Variants in SLC35D4 observed in about 807,000 individuals in gnomAD.
The protein encoded by SLC35D4 is solute carrier family 35 member D4.
the SLC35D4 span, among the ~76,000 whole-genome samples, chr18:23,292,818 C>T: frequency 2.0e-5 from 3 of 152,220 alleles, no homozygotes; most frequent in African/African-American, 7.2e-5. Context: ...CAGCACAATG[C>T]TTGGCATGAA....
the SLC35D4 span, among the ~76,000 whole-genome samples, chr18:23,279,251 G>C: frequency 5.9e-5 from 9 of 152,020 alleles, no homozygotes; most frequent in Admixed American, 2.6e-4. Context: ...TAGAGAAAAG[G>C]GCCTCTTCTA....
At chr18:23,259,465 T>A in the SLC35D4 span, 1 of 152,258 alleles carries the variant, frequency 6.6e-6, no homozygotes, top group Non-Finnish European at 1.5e-5. Context: ...TTAGCATTTA[T>A]GAGGTGAGCC....
At chr18:23,397,755 G>T in the SLC35D4 span, among the ~76,000 whole-genome samples, 4 of 152,174 alleles carry the variant, frequency 2.6e-5, no homozygotes, top group African/African-American at 9.7e-5. Context: ...AAGGTGGGGA[G>T]TTAGAAGAGC....
the SLC35D4 span, among the ~76,000 whole-genome samples, chr18:23,269,547 C>T: frequency 3.3e-5 from 5 of 152,034 alleles, no homozygotes; most frequent in Admixed American, 6.5e-5. Context: ...ATTAAGATAC[C>T]GAAAAATGTG....
At chr18:23,387,468 G>A in the SLC35D4 span, among the ~76,000 whole-genome samples, 7 of 152,194 alleles carry the variant, frequency 4.6e-5, no homozygotes, top group Non-Finnish European at 1.0e-4. Flanking sequence ...CACAAAGGGT[G>A]TCAATAACAT....
At chr18:23,339,610 A>C in the SLC35D4 span, among the ~76,000 whole-genome samples, 46,468 of 152,048 alleles carry the variant, frequency 0.31, 8,043 homozygotes, top group Non-Finnish European at 0.38. Flanking sequence ...AGGGTGTCTT[A>C]GTCCATCTGG....
the SLC35D4 span, among the ~76,000 whole-genome samples, chr18:23,322,235 GGGA>G: frequency 1.3e-5 from 2 of 152,222 alleles, no homozygotes; most frequent in African/African-American, 4.8e-5. Flanking sequence ...TTGTGGTTTA[GGGA>G]GGAGGATGGA....
the SLC35D4 span, among the ~76,000 whole-genome samples, chr18:23,262,230 A>G: frequency 6.6e-6 from 1 of 152,338 alleles, no homozygotes; most frequent in South Asian, 2.1e-4. Context: ...TTGGGTGCAC[A>G]AGGCCAAAAA....
the SLC35D4 span, among the ~76,000 whole-genome samples, chr18:23,249,263 C>G: frequency 6.6e-6 from 1 of 152,220 alleles, no homozygotes; most frequent in African/African-American, 2.4e-5. Context: ...GCTTTCCAGC[C>G]TCCGTAGCAC....
At chr18:23,238,722 C>T in the SLC35D4 span, among the ~76,000 whole-genome samples, 2 of 152,174 alleles carry the variant, frequency 1.3e-5, no homozygotes, top group Non-Finnish European at 2.9e-5. Flanking sequence ...ATTTATTAAG[C>T]AACATGGCCA....
the SLC35D4 span, among the ~76,000 whole-genome samples, chr18:23,389,828 C>A: frequency 6.6e-6 from 1 of 152,276 alleles, no homozygotes; most frequent in South Asian, 2.1e-4. Flanking sequence ...GTGTAAGCCA[C>A]CATACCCGGC....
At chr18:23,359,237 T>G in the SLC35D4 span, among the ~76,000 whole-genome samples, 1 of 151,768 alleles carries the variant, frequency 6.6e-6, no homozygotes, top group Non-Finnish European at 1.5e-5. Flanking sequence ...ATACAAAAAT[T>G]AGCTGGGCGT....
chr18:23,356,443 G>T, the SLC35D4 span: 1 of 740,918 alleles, frequency 1.3e-6, no homozygotes, highest in Non-Finnish European at 2.3e-6. This position sits in a 1 kb window ranked among gnomAD's most constrained non-coding sequence, Gnocchi z 4.1. Context: ...GTGACAGCCT[G>T]CTGGTGACAT....
chr18:23,407,509 A>C, the SLC35D4 span, among the ~76,000 whole-genome samples: 7 of 152,096 alleles, frequency 4.6e-5, no homozygotes, highest in Non-Finnish European at 7.4e-5. Flanking sequence ...AAAAAAAATC[A>C]GCTCTCCAAA....
At chr18:23,387,070 C>T in the SLC35D4 span, among the ~76,000 whole-genome samples, 6 of 152,098 alleles carry the variant, frequency 3.9e-5, no homozygotes, top group African/African-American at 9.7e-5. Flanking sequence ...CAACCACGCC[C>T]GGTTAATTTT....
At chr18:23,253,785 C>T in the SLC35D4 span, 11 of 1,614,058 alleles carry the variant, frequency 6.8e-6, no homozygotes, top group East Asian at 4.5e-5. Context: ...GAGGAGCCCA[C>T]GGTGGCCATG....
At chr18:23,273,362 G>A in the SLC35D4 span, among the ~76,000 whole-genome samples, 1 of 152,216 alleles carries the variant, frequency 6.6e-6, no homozygotes, top group East Asian at 1.9e-4. Context: ...ATGACACTGG[G>A]ACGGTGAATG....
chr18:23,349,049 G>A, the SLC35D4 span, among the ~76,000 whole-genome samples: 1 of 152,296 alleles, frequency 6.6e-6, no homozygotes, highest in African/African-American at 2.4e-5. Context: ...TAATTGCACT[G>A]TTGTTCCCCC....
the SLC35D4 span, among the ~76,000 whole-genome samples, chr18:23,319,717 G>A: frequency 2.0e-5 from 3 of 152,196 alleles, no homozygotes; most frequent in Non-Finnish European, 4.4e-5. Context: ...GGGATTACAG[G>A]CATGAGCCAC....
Sources: allele counts gnomAD v4.1 joint callset (sites outside exome capture counted in the v4.1 genomes callset), GRCh38; gene constraint gnomAD v4.1.1; non-coding constraint Gnocchi (gnomAD v3.1); transcripts MANE v1.5; gene names NCBI Gene and HGNC (gene_info 2026-07-23, HGNC 2026-07-21).